Variants in TSHZ3 observed in about 807,000 individuals in gnomAD.
TSHZ3 encodes teashirt zinc finger homeobox 3.
Under a neutral mutation model 64.5 loss-of-function variants are expected in TSHZ3, and 10 were observed. The observed-to-expected ratio is 0.16, with a 90% CI of 0.10 to 0.26. The LOEUF (loss-of-function observed/expected upper bound fraction) is 0.26, where lower values mean the gene tolerates loss of function less well. Ranked by LOEUF, TSHZ3 falls within the 10% of genes least tolerant of loss-of-function variation. TSHZ3 has a pLI of 1.00. For synonymous variants in TSHZ3, 608 were observed against 593.1 expected, an observed-to-expected ratio of 1.03 and a Z score of -0.36; for missense variants, 1,242 against 1,421.7, an observed-to-expected ratio of 0.87 and a Z score of 2.03.
At chr19:31,328,331 T>C (rs1599651315) in intron 1 of TSHZ3, among the ~76,000 whole-genome samples, 2 of 152,336 alleles carry the variant, frequency 1.3e-5, no homozygotes, top group African/African-American at 4.8e-5. Context: ...GCCTTGGGTG[T>C]GTGCATATAG....
At chr19:31,303,826 T>C (rs921695682) in intron 1 of TSHZ3, among the ~76,000 whole-genome samples, 2 of 152,168 alleles carry the variant, frequency 1.3e-5, no homozygotes, top group Non-Finnish European at 2.9e-5. Flanking sequence ...CGGATTTTTT[T>C]GCAAAGATTT....
chr19:31,179,035 A>ATTGATGAT (rs749639332), intron 5 of TSHZ3, among the ~76,000 whole-genome samples: 1 of 121,090 alleles, frequency 8.3e-6, no homozygotes, highest in Non-Finnish European at 1.8e-5. Flanking sequence ...GATGATGATG[A>ATTGATGAT]TGATGATGAT....
chr19:31,345,997 C>T (rs1265975650), intron 1 of TSHZ3, among the ~76,000 whole-genome samples: 1 of 152,160 alleles, frequency 6.6e-6, no homozygotes, highest in Non-Finnish European at 1.5e-5. Context: ...AGCAAACTCC[C>T]GCCCAGGTTT....
chr19:31,169,747 G>A (rs538466492), intron 5 of TSHZ3, among the ~76,000 whole-genome samples: 1 of 152,260 alleles, frequency 6.6e-6, no homozygotes, highest in African/African-American at 2.4e-5. Context: ...ATGCCAGTAA[G>A]GGTGAGCCCT....
intron 1 of TSHZ3, among the ~76,000 whole-genome samples, chr19:31,304,391 C>A (rs1976805473): frequency 6.6e-6 from 1 of 152,170 alleles, no homozygotes; most frequent in South Asian, 2.1e-4. Flanking sequence ...GGCCCCCACA[C>A]CCATAACTCT....
chr19:31,241,559 G>C (rs922851225), intron 3 of TSHZ3, among the ~76,000 whole-genome samples: 1 of 152,182 alleles, frequency 6.6e-6, no homozygotes. Context: ...TGCACGTGCA[G>C]TCTGGTTCTC....
intron 5 of TSHZ3, among the ~76,000 whole-genome samples, chr19:31,162,503 C>A (rs781594927): frequency 1.3e-5 from 2 of 151,942 alleles, no homozygotes; most frequent in Non-Finnish European, 2.9e-5. Flanking sequence ...GGCTTTTTTC[C>A]GACTTTCTTG....
At chr19:31,159,692 AT>A (rs946237709) in intron 5 of TSHZ3, among the ~76,000 whole-genome samples, 1 of 151,218 alleles carries the variant, frequency 6.6e-6, no homozygotes, top group Non-Finnish European at 1.5e-5. Flanking sequence ...AGTGACTTTT[AT>A]TTTTTTTCTT....
chr19:31,327,209 T>G (rs957044501), intron 1 of TSHZ3, among the ~76,000 whole-genome samples: 1 of 152,252 alleles, frequency 6.6e-6, no homozygotes, highest in Non-Finnish European at 1.5e-5. Context: ...CTGGATGTGT[T>G]CGACCAATTC....
intron 1 of TSHZ3, among the ~76,000 whole-genome samples, chr19:31,267,178 A>G (rs566946236): frequency 6.6e-6 from 1 of 152,238 alleles, no homozygotes; most frequent in Non-Finnish European, 1.5e-5. Flanking sequence ...GTTCTTGATG[A>G]CAACACAGGG....
At chr19:31,226,084 C>T (rs1975456514) in intron 4 of TSHZ3, among the ~76,000 whole-genome samples, 1 of 151,674 alleles carries the variant, frequency 6.6e-6, no homozygotes, top group Non-Finnish European at 1.5e-5. Flanking sequence ...CAACCTCATG[C>T]CACTGCACTT....
intron 1 of TSHZ3, among the ~76,000 whole-genome samples, chr19:31,330,738 G>T (rs1372306650): frequency 6.6e-6 from 1 of 152,054 alleles, no homozygotes; most frequent in Non-Finnish European, 1.5e-5. Context: ...AACACCTATG[G>T]GTCATGAAGC....
chr19:31,300,330 G>A (rs745995187), intron 1 of TSHZ3, among the ~76,000 whole-genome samples: 3 of 152,246 alleles, frequency 2.0e-5, no homozygotes, highest in African/African-American at 2.4e-5. Flanking sequence ...CAATAAAGGT[G>A]AAGGTTTATT....
At chr19:31,155,285 G>A (rs994104620) in intron 6 of TSHZ3, among the ~76,000 whole-genome samples, 2 of 152,188 alleles carry the variant, frequency 1.3e-5, no homozygotes, top group Non-Finnish European at 2.9e-5. Flanking sequence ...TCTCTTACTT[G>A]CCTTAGATAA....
intron 3 of TSHZ3, among the ~76,000 whole-genome samples, chr19:31,236,267 AG>A (rs2145180067): frequency 6.6e-6 from 1 of 152,276 alleles, no homozygotes; most frequent in South Asian, 2.1e-4. Context: ...GGTGTACAAA[AG>A]TTACTTTTTC....
chr19:31,236,054 A>G (rs1975609921), intron 3 of TSHZ3, among the ~76,000 whole-genome samples: 1 of 152,128 alleles, frequency 6.6e-6, no homozygotes, highest in Admixed American at 6.5e-5. Flanking sequence ...GGATGATTTC[A>G]TATCTTGGCT....
exon 5 of TSHZ3, chr19:31,204,978 G>A (rs1975144833): frequency 6.6e-6 from 1 of 152,262 alleles, no homozygotes; most frequent in Admixed American, 6.5e-5. Flanking sequence ...GGATCACGGG[G>A]ATTTTGTAAT....
intron 4 of TSHZ3, among the ~76,000 whole-genome samples, chr19:31,211,909 G>C (rs1167189676): frequency 6.6e-6 from 1 of 152,140 alleles, no homozygotes; most frequent in Non-Finnish European, 1.5e-5. Context: ...TTTGCTTCTG[G>C]ACTGAGGCGT....
intron 1 of TSHZ3, among the ~76,000 whole-genome samples, chr19:31,268,965 G>A (rs1199825403): frequency 6.6e-6 from 1 of 152,064 alleles, no homozygotes; most frequent in Non-Finnish European, 1.5e-5. Flanking sequence ...AGGGTGGGTT[G>A]GGCAAAGTGA....
Sources: gnomAD v4.1 joint callset for allele counts (sites outside exome capture counted in the v4.1 genomes callset) on GRCh38, gnomAD v4.1.1 for gene constraint, MANE v1.5 for transcripts, NCBI Gene and HGNC (gene_info 2026-07-23, HGNC 2026-07-21) for gene names.